Variants in CDH3 observed in about 807,000 individuals in gnomAD.
CDH3 encodes the protein cadherin 3, also known as cadherin-3.
A neutral mutation model predicts 82.0 loss-of-function variants in CDH3; 54 were observed. The ratio of observed to expected loss-of-function variants is 0.66; its 90% CI spans 0.53 to 0.83. The LOEUF (loss-of-function observed/expected upper bound fraction) is 0.83, where lower values mean the gene tolerates loss of function less well. Among genes scored for constraint, CDH3 ranks in the 40% least tolerant of loss-of-function variants. The pLI, the probability that CDH3 is intolerant of heterozygous loss-of-function variation, is 0.00. For synonymous variants in CDH3, 446 were observed against 437.9 expected (o/e 1.02, Z -0.23); for missense variants, 1,054 against 1,084.6 (o/e 0.97, Z 0.40).
At position 68,678,211 on chromosome 16, in the gene CDH3, T is replaced by C. The variant is rs780231573; in HGVS notation, c.324T>C (p.Asp108=). 6.2e-6 allele frequency: 10 copies of C among 1,613,830 alleles called. No individual in the cohort carries two copies. Among genetic ancestry groups the C allele is most frequent in the South Asian group, 1.1e-5 (1 of 91,086 alleles). The change falls in exon 4 of 16, where the codon GAT becomes GAC. Residue 108 remains aspartate (D), a synonymous_variant. Coordinates refer to ENST00000264012, the MANE Select transcript of CDH3 (RefSeq NM_001793.6). The part of the protein sequence containing the change: ...SKRILRRHKR[D]WVVAPISVPE... ...GTATCTTACGAAGACACAAGAGAGA[T>C]TGGGTGGTTGCTCCAATATCTGTCC...
chr16:68,662,300 AG>A (rs1269794341), intron 2 of CDH3, among the ~76,000 whole-genome samples: 1 of 152,132 alleles, frequency 6.6e-6, no homozygotes, highest in Non-Finnish European at 1.5e-5. Flanking sequence ...GGCACATTAA[AG>A]AGTTTGTTTT....
intron 1 of CDH3, among the ~76,000 whole-genome samples, chr16:68,710,994 GAGGAA>G (rs1268071405): frequency 3.2e-5 from 3 of 93,960 alleles, no homozygotes; most frequent in African/African-American, 1.2e-4. Flanking sequence ...GAGGGGACGG[GAGGAA>G]AGGGGAGGGG....
At chr16:68,708,487 G>C (rs62057805) in intron 1 of CDH3, among the ~76,000 whole-genome samples, 84,652 of 151,860 alleles carry the variant, frequency 0.56, 23,920 homozygotes, top group Middle Eastern at 0.62. Flanking sequence ...GATTTCTCTC[G>C]GCTCCCTCAC....
At chr16:68,701,481 T>A (rs1961892632), downstream of CDH3, among the ~76,000 whole-genome samples, 1 of 152,098 alleles carries the variant, frequency 6.6e-6, no homozygotes, top group African/African-American at 2.4e-5. Context: ...TCCTTTGAAT[T>A]TTGTGTTTCA....
intron 15 of CDH3, among the ~76,000 whole-genome samples, chr16:68,697,529 T>A (rs1339260147): frequency 6.6e-6 from 1 of 152,154 alleles, no homozygotes; most frequent in Non-Finnish European, 1.5e-5. Flanking sequence ...TTCCCGACCC[T>A]GCCTGCGTGT....
chr16:68,662,993 C>T (rs1053704056), intron 2 of CDH3, among the ~76,000 whole-genome samples: 29 of 147,484 alleles, frequency 2.0e-4, no homozygotes, highest in African/African-American at 7.0e-4. Flanking sequence ...TTTAGCCTCC[C>T]TTATAGCTGG....
Position 68,698,358 on chromosome 16 carries a change from C to T in CDH3, c.2448C>T (p.Phe816=). ...ATCTGAACGAGTGGGGCAGCCGCTT[C>T]AAGAAGCTGGCAGACATGTACGGTG... is the stretch of plus-strand genomic sequence containing the variant. The part of the protein sequence containing the change: ...YDYLNEWGSR[F]KKLADMYGGG... The change falls in exon 16 of 16, where the codon TTC becomes TTT. Residue 816 remains phenylalanine (F), a synonymous_variant. Transcript: ENST00000264012. The T allele has an allele frequency of 6.2e-7, 1 of 1,614,236 alleles. No individual in the cohort carries two copies. The highest frequency in any genetic ancestry group is 8.5e-7 in the Non-Finnish European group (1 of 1,180,032).
chr16:68,653,054 G>A (rs1960294635), intron 2 of CDH3, among the ~76,000 whole-genome samples: 2 of 152,104 alleles, frequency 1.3e-5, no homozygotes, highest in Admixed American at 6.6e-5. Context: ...GAGGATTCCA[G>A]TACTGTGATC....
chr16:68,724,843 G>A (rs959508131), intron 2 of CDH3, among the ~76,000 whole-genome samples: 4 of 152,152 alleles, frequency 2.6e-5, no homozygotes, highest in Non-Finnish European at 5.9e-5. Flanking sequence ...AAATCAGAGA[G>A]CCCTTTGTCT....
Position 68,678,511 on chromosome 16 carries a change from A to T in CDH3, c.401A>T (p.Asn134Ile), listed in dbSNP as rs1207758579. The change falls in exon 5 of 16, where the codon AAT becomes ATT. Residue 134 changes from asparagine to isoleucine, a missense_variant. By Grantham distance (149) the Asn-to-Ile change is moderately radical. Coordinates refer to ENST00000264012, the MANE Select transcript of CDH3 (RefSeq NM_001793.6). ...FPQRLNQLKSNKDRDTKIFYS... is the reference protein window; with the variant it reads ...FPQRLNQLKSIKDRDTKIFYS... The stretch of plus-strand genomic sequence containing the variant: ...TTCTTTTCCCTCCAGCTCAAGTCTA[A>T]TAAAGATAGAGACACCAAGATTTTC... 1 of 1,614,238 alleles carries T rather than the reference A, an allele frequency of 6.2e-7. No individual in the cohort carries two copies. Among genetic ancestry groups the T allele is most frequent in the Admixed American group, 1.7e-5 (1 of 60,030 alleles).
Position 68,676,573 on chromosome 16 carries a change from G to A in CDH3, c.246+103G>A, listed in dbSNP as rs532598335. On this transcript the variant is annotated intron_variant, in intron 3 of 15. Transcript: ENST00000264012. ...GGTTGCTGTGGCCATTGTGAGCCAA[G>A]TCAGCCCTTCAGAGGAGGTAGTGTT... The A allele has an allele frequency of 1.3e-3, 1,118 of 879,526 alleles. 2 individuals carry two copies. Among genetic ancestry groups the A allele is most frequent in the Non-Finnish European group, 1.9e-3 (976 of 527,392 alleles). The allele number at this position is 879,526 out of a possible 1,614,324, so 54.5% of individuals were successfully genotyped here.
chr16:68,703,191 G>A (rs1370555637), downstream of CDH3, among the ~76,000 whole-genome samples: 1 of 152,166 alleles, frequency 6.6e-6, no homozygotes, highest in Non-Finnish European at 1.5e-5. Context: ...TCCCCACAGT[G>A]CGCTTTCCCA....
intron 9 of CDH3, 24 bp from the exon 10 acceptor site, chr16:68,684,559 G>A (rs1961344021): frequency 6.2e-7 from 1 of 1,613,976 alleles, no homozygotes; most frequent in Non-Finnish European, 8.5e-7. Flanking sequence ...GGTGGTCCAG[G>A]TCCTTCTTCC....
chr16:68,677,292 C>T (rs904589812), intron 3 of CDH3, among the ~76,000 whole-genome samples: 1 of 152,148 alleles, frequency 6.6e-6, no homozygotes, highest in East Asian at 1.9e-4. Flanking sequence ...CATCCATGTA[C>T]AAGAAAATAT....
intron 9 of CDH3, 149 bp from the exon 10 acceptor site, chr16:68,684,434 T>C (rs1247935114): frequency 4.6e-6 from 4 of 878,306 alleles, no homozygotes; most frequent in Non-Finnish European, 5.7e-6. Context: ...AACACGGGAG[T>C]GTTTATGTTA....
rs1176713669 is a variant in CDH3, at chr16:68,654,380, A to ATTTTTTTTT, written c.160+8660_160+8668dup. ...GGCCTTTTTCTTAATTTTTAAATTAATTTTTTTTTTTTTTTTTTTTTTTTT... is the reference window on the plus strand; with the variant it reads ...GGCCTTTTTCTTAATTTTTAAATTAATTTTTTTTTTTTTTTTTTTTTTTTTTTTTTTTTT... On this transcript the variant is annotated intron_variant, in intron 2 of 15. Transcript: ENST00000264012. Among the ~76,000 whole-genome samples, 56 of 48,528 alleles carry ATTTTTTTTT rather than the reference A, an allele frequency of 1.2e-3. 5 individuals are homozygous for ATTTTTTTTT. Among genetic ancestry groups the ATTTTTTTTT allele is most frequent in the Non-Finnish European group, 1.5e-3 (43 of 29,218 alleles). The allele number at this position is 48,528 out of a possible 152,430, so 31.8% of individuals were successfully genotyped here. A position where few individuals can be genotyped will look rare whatever the true frequency, so the allele number is the denominator to read the frequency against.
intron 2 of CDH3, chr16:68,651,507 T>C (rs1960246808): frequency 2.0e-6 from 1 of 496,522 alleles, no homozygotes; most frequent in Non-Finnish European, 4.0e-6. Flanking sequence ...GTTTTGCTCC[T>C]GCTTCTTTGA....
chr16:68,730,231 TAA>T (rs35972238), downstream of CDH3, among the ~76,000 whole-genome samples: 492 of 133,554 alleles, frequency 3.7e-3, 1 homozygote, highest in Non-Finnish European at 3.8e-3. Flanking sequence ...AGACTCCACC[TAA>T]AAAAAAAAAA....
intron 12 of CDH3, among the ~76,000 whole-genome samples, chr16:68,689,674 A>C (rs1278698759): frequency 1.3e-5 from 2 of 152,146 alleles, no homozygotes; most frequent in East Asian, 3.8e-4. Flanking sequence ...TGGCCACTCC[A>C]CATGGTCGAC....
Sources: gnomAD v4.1 joint callset for allele counts (sites outside exome capture counted in the v4.1 genomes callset) on GRCh38, gnomAD v4.1.1 for gene constraint, MANE v1.5 for transcripts, NCBI Gene and HGNC (gene_info 2026-07-23, HGNC 2026-07-21) for gene names.